IQCK: variants seen among roughly 807,000 people sequenced by gnomAD.
The protein encoded by IQCK is IQ motif containing K, also known as IQ domain-containing protein K.
IQCK carries 29 observed loss-of-function variants against 28.1 expected under a neutral mutation model. The observed-to-expected ratio is 1.03, with a 90% CI of 0.77 to 1.41. The LOEUF (loss-of-function observed/expected upper bound fraction) is 1.41. Among genes scored for constraint, IQCK ranks in the 40% most tolerant of loss-of-function variants. The pLI, the probability that IQCK is intolerant of heterozygous loss-of-function variation, is 0.00. For synonymous variants in IQCK, 113 were observed against 115.1 expected, an observed-to-expected ratio of 0.98 and a Z score of 0.12; for missense variants, 359 against 314.7, an observed-to-expected ratio of 1.14 and a Z score of -1.07.
At chr16:19,828,834 C>A (rs187414868), downstream of IQCK, among the ~76,000 whole-genome samples, 1 of 144,852 alleles carries the variant, frequency 6.9e-6, no homozygotes, top group South Asian at 2.1e-4. Flanking sequence ...CTAGGCAACA[C>A]AGCCAGACAC....
intron 4 of IQCK, among the ~76,000 whole-genome samples, chr16:19,753,526 A>G (rs1461316853): frequency 1.3e-5 from 2 of 152,182 alleles, no homozygotes; most frequent in African/African-American, 4.8e-5. Context: ...TCCAAAGCCC[A>G]TAGTTTTTGC....
chr16:19,770,836 T>A (rs2055310501), intron 6 of IQCK, among the ~76,000 whole-genome samples: 1 of 152,184 alleles, frequency 6.6e-6, no homozygotes, highest in Non-Finnish European at 1.5e-5. Flanking sequence ...TTGGCCAGGC[T>A]GGACTCAAAC....
At chr16:19,807,765 GA>G in intron 7 of IQCK, among the ~76,000 whole-genome samples, 2 of 152,222 alleles carry the variant, frequency 1.3e-5, no homozygotes, top group Admixed American at 1.3e-4. Flanking sequence ...GTAAAATGGG[GA>G]TAATAATATT....
intron 1 of IQCK, among the ~76,000 whole-genome samples, chr16:19,721,462 CT>C (rs1315325876): frequency 6.6e-6 from 1 of 152,188 alleles, no homozygotes; most frequent in Non-Finnish European, 1.5e-5. Context: ...CTAAAAAGCA[CT>C]CGTGTTAGTG....
intron 9 of IQCK, among the ~76,000 whole-genome samples, chr16:19,851,869 C>G (rs559807625): frequency 4.7e-4 from 72 of 152,314 alleles, no homozygotes; most frequent in African/African-American, 1.7e-3. Context: ...GCTTCCCTCC[C>G]CTTTTCCTCC....
At position 19,726,095 on chromosome 16, in the gene IQCK, TAGTAG is replaced by T. The variant is rs1405592403; in HGVS notation, c.182-4332_182-4328del. On this transcript the variant is annotated intron_variant, in intron 1 of 7. Transcript: ENST00000564186. ...CACTCCCGGCTAAGTTTTGTATTTT[TAGTAG>T]AGACGGGGTTTCATCGTGTTAGCCA... Among the ~76,000 whole-genome samples, 3 of 152,104 alleles carry T rather than the reference TAGTAG, an allele frequency of 2.0e-5. No homozygotes were observed. The East Asian group carries it at 5.8e-4, about 29-fold the overall frequency.
intron 4 of IQCK, among the ~76,000 whole-genome samples, chr16:19,756,272 G>A (rs990730704): frequency 2.6e-5 from 4 of 152,182 alleles, no homozygotes; most frequent in African/African-American, 9.7e-5. Context: ...GTCAGCCTGA[G>A]TCCTAGAGTA....
At chr16:19,735,172 A>G (rs886984248) in intron 3 of IQCK, among the ~76,000 whole-genome samples, 181 bp from the exon 4 acceptor site, 1 of 152,192 alleles carries the variant, frequency 6.6e-6, no homozygotes, top group Non-Finnish European at 1.5e-5. Context: ...AGAGGCTCAG[A>G]GGGACATTTT....
At chr16:19,727,350 G>C (rs1176807888) in intron 1 of IQCK, among the ~76,000 whole-genome samples, 1 of 152,034 alleles carries the variant, frequency 6.6e-6, no homozygotes, top group Non-Finnish European at 1.5e-5. Flanking sequence ...CCACTGGAAG[G>C]CCAAGGCGGG....
intron 7 of IQCK, among the ~76,000 whole-genome samples, chr16:19,804,841 G>A (rs1414249483): frequency 6.6e-6 from 1 of 152,216 alleles, no homozygotes; most frequent in Non-Finnish European, 1.5e-5. Context: ...GAGATGGCAG[G>A]ACCAAAGAAA....
At chr16:19,730,709 T>TATC (rs1567533974) in intron 2 of IQCK, among the ~76,000 whole-genome samples, 11 of 138,044 alleles carry the variant, frequency 8.0e-5, no homozygotes, top group African/African-American at 2.9e-4. Context: ...GTTTCGGCGT[T>TATC]TGTCTGTCTA....
chr16:19,731,111 G>T (rs1977822419), intron 2 of IQCK, among the ~76,000 whole-genome samples: 3 of 152,176 alleles, frequency 2.0e-5, no homozygotes, highest in Non-Finnish European at 1.5e-5. Flanking sequence ...TGGATGAGAA[G>T]AGCCTTTGCA....
chr16:19,718,399 C>T (rs111355075), exon 1 of IQCK: 17,320 of 1,605,938 alleles, frequency 0.011, 118 homozygotes, highest in Middle Eastern at 0.026. Flanking sequence ...CGGTGCCCAC[C>T]GTGTCTCTCG....
At position 19,825,998 on chromosome 16, in the gene IQCK, T is replaced by C. The variant is rs1389445303; in HGVS notation, c.691-1028T>C. ...AAGACTTAGCATGTAAAACAGAAAG[T>C]AAGATAACTCATAAATAATTTTTTA... On this transcript the variant is annotated intron_variant, in intron 7 of 7. Transcript: ENST00000564186. This position sits in a 1 kb window ranked among gnomAD's most constrained non-coding sequence, Gnocchi z 4.2. Among the ~76,000 whole-genome samples, 6 of 152,306 alleles carry C rather than the reference T, an allele frequency of 3.9e-5. No individual in the cohort carries two copies. Among genetic ancestry groups the C allele is most frequent in the Admixed American group, 2.6e-4 (4 of 15,284 alleles).
intron 7 of IQCK, among the ~76,000 whole-genome samples, chr16:19,792,453 G>A (rs2055626468): frequency 1.9e-5 from 2 of 106,968 alleles, no homozygotes; most frequent in Non-Finnish European, 1.6e-5. Flanking sequence ...TTGAATACAT[G>A]CACACACACA....
At chr16:19,734,285 T>C (rs1977934335) in intron 3 of IQCK, among the ~76,000 whole-genome samples, 1 of 151,988 alleles carries the variant, frequency 6.6e-6, no homozygotes, top group Non-Finnish European at 1.5e-5. Flanking sequence ...TCACTTGAGG[T>C]CAGGAATTCG....
chr16:19,837,742 C>T (rs1474295333), intron 9 of IQCK, among the ~76,000 whole-genome samples: 1 of 152,156 alleles, frequency 6.6e-6, no homozygotes, highest in Non-Finnish European at 1.5e-5. Flanking sequence ...TTAGAATCTC[C>T]TGGGGGAAAT....
At chr16:19,823,939 T>A (rs13330736) in intron 7 of IQCK, among the ~76,000 whole-genome samples, 18,201 of 120,300 alleles carry the variant, frequency 0.15, 3,530 homozygotes, top group African/African-American at 0.53. Context: ...TCTTAAAAAA[T>A]AAATAAATAA....
At chr16:19,841,620 A>C (rs2056362917) in intron 9 of IQCK, among the ~76,000 whole-genome samples, 1 of 152,222 alleles carries the variant, frequency 6.6e-6, no homozygotes, top group African/African-American at 2.4e-5. Context: ...GTGTTAAAAC[A>C]ACAACAACTT....
Sources: gnomAD v4.1 joint callset for allele counts (sites outside exome capture counted in the v4.1 genomes callset) on GRCh38, gnomAD v4.1.1 for gene constraint, Gnocchi (gnomAD v3.1) non-coding constraint, MANE v1.5 for transcripts, NCBI Gene and HGNC (gene_info 2026-07-23, HGNC 2026-07-21) for gene names.